PLCB1: variants seen among roughly 807,000 people sequenced by gnomAD.
The protein encoded by PLCB1 is phospholipase C beta 1.
In PLCB1, 46 loss-of-function variants were observed where a neutral mutation model predicts 161.8. That is an observed-to-expected ratio of 0.28 (90% CI 0.22 to 0.36). The LOEUF is 0.36. PLCB1 is among the 10% of genes least tolerant of loss of function. The pLI, the probability that PLCB1 is intolerant of heterozygous loss-of-function variation, is 1.00. For missense variants in PLCB1, 1,016 were observed against 1,472.5 expected (o/e 0.69, Z 5.07); for synonymous variants, 517 against 503.7 (o/e 1.03, Z -0.35).
At chr20:8,143,986 A>G (rs975363669) in intron 1 of PLCB1, among the ~76,000 whole-genome samples, 1 of 152,190 alleles carries the variant, frequency 6.6e-6, no homozygotes, top group African/African-American at 2.4e-5. Context: ...AAAGCCTCCC[A>G]GTAGTGACAA....
At chr20:8,355,569 C>G (rs532141880) in intron 2 of PLCB1, among the ~76,000 whole-genome samples, 2 of 152,292 alleles carry the variant, frequency 1.3e-5, no homozygotes, top group Admixed American at 6.5e-5. Context: ...TCCTTAAATG[C>G]AAGCAAAGGG....
At chr20:8,785,736 A>G (rs969875099) in intron 27 of PLCB1, among the ~76,000 whole-genome samples, 7 of 152,150 alleles carry the variant, frequency 4.6e-5, no homozygotes, top group Non-Finnish European at 1.0e-4. Flanking sequence ...TGAGTTCTCC[A>G]GCTTAGTCTC....
chr20:8,408,611 T>A (rs1365734995), intron 3 of PLCB1, among the ~76,000 whole-genome samples: 2 of 152,146 alleles, frequency 1.3e-5, no homozygotes, highest in Non-Finnish European at 2.9e-5. Flanking sequence ...TACTGTAAAT[T>A]TGTAGATAGC....
chr20:8,427,518 A>T (rs1979838171), intron 3 of PLCB1, among the ~76,000 whole-genome samples: 1 of 152,194 alleles, frequency 6.6e-6, no homozygotes, highest in Admixed American at 6.5e-5. Context: ...CTGTTGTAAG[A>T]CCAACAGGTT....
At chr20:8,621,740 C>T (rs1988190811) in intron 3 of PLCB1, among the ~76,000 whole-genome samples, 1 of 152,270 alleles carries the variant, frequency 6.6e-6, no homozygotes, top group Non-Finnish European at 1.5e-5. Flanking sequence ...CTTTGTAACA[C>T]GGTGTGATAT....
chr20:8,497,518 G>A (rs899028432), intron 3 of PLCB1, among the ~76,000 whole-genome samples: 5 of 152,206 alleles, frequency 3.3e-5, no homozygotes, highest in African/African-American at 1.2e-4. Context: ...CTAAAAACCA[G>A]ACAAATATTT....
At chr20:8,202,515 A>T (rs1313632832) in intron 2 of PLCB1, among the ~76,000 whole-genome samples, 2 of 152,244 alleles carry the variant, frequency 1.3e-5, no homozygotes, top group African/African-American at 4.8e-5. Flanking sequence ...TTCTACAGTG[A>T]TATCTATCTT....
chr20:8,608,223 G>T (rs1987811974), intron 3 of PLCB1, among the ~76,000 whole-genome samples: 1 of 152,138 alleles, frequency 6.6e-6, no homozygotes, highest in Non-Finnish European at 1.5e-5. Flanking sequence ...AATAGCCAGA[G>T]AGAGCACAAA....
intron 2 of PLCB1, among the ~76,000 whole-genome samples, chr20:8,266,159 C>A (rs1468695132): frequency 6.6e-6 from 1 of 152,168 alleles, no homozygotes; most frequent in African/African-American, 2.4e-5. Context: ...CAAGCCATCC[C>A]AGAACTTCAG....
At chr20:8,787,367 C>T (rs775653393) in intron 27 of PLCB1, among the ~76,000 whole-genome samples, 1 of 152,154 alleles carries the variant, frequency 6.6e-6, no homozygotes, top group Non-Finnish European at 1.5e-5. Context: ...GCAGTTTTTC[C>T]GGGGACTCCC....
chr20:8,286,101 G>A (rs1983107882), intron 2 of PLCB1, among the ~76,000 whole-genome samples: 2 of 152,222 alleles, frequency 1.3e-5, no homozygotes, highest in South Asian at 4.1e-4. Context: ...AAGGCAGGCA[G>A]ATCACCTGAG....
At chr20:8,357,416 G>C (rs141801649) in intron 2 of PLCB1, among the ~76,000 whole-genome samples, 1 of 152,268 alleles carries the variant, frequency 6.6e-6, no homozygotes. Flanking sequence ...TAATATTCAA[G>C]CAACTAAAGA....
intron 2 of PLCB1, among the ~76,000 whole-genome samples, chr20:8,266,988 G>T (rs769121781): frequency 1.1e-4 from 17 of 148,762 alleles, no homozygotes; most frequent in Non-Finnish European, 2.2e-4. Context: ...AATGAGCCTA[G>T]ATCGTGCCAT....
chr20:8,312,835 T>C (rs951374083), intron 2 of PLCB1, among the ~76,000 whole-genome samples: 1 of 148,714 alleles, frequency 6.7e-6, no homozygotes, highest in Non-Finnish European at 1.5e-5. Context: ...CTTTTCTCTA[T>C]AGAAAAAAAA....
chr20:8,553,684 C>A (rs1663743485), intron 3 of PLCB1, among the ~76,000 whole-genome samples: 1 of 151,946 alleles, frequency 6.6e-6, no homozygotes, highest in Non-Finnish European at 1.5e-5. Context: ...TACAGAAAAA[C>A]ATTATCATTA....
chr20:8,393,338 C>A (rs1987665830), intron 3 of PLCB1, among the ~76,000 whole-genome samples: 1 of 152,056 alleles, frequency 6.6e-6, no homozygotes, highest in South Asian at 2.1e-4. Context: ...CCAAAACTCA[C>A]TGTTTCTCCA....
intron 2 of PLCB1, among the ~76,000 whole-genome samples, chr20:8,348,078 T>C (rs113545503): frequency 6.6e-6 from 1 of 152,162 alleles, no homozygotes; most frequent in African/African-American, 2.4e-5. Context: ...TGGGGAAAGA[T>C]ATGGTTGTGA....
intron 23 of PLCB1, among the ~76,000 whole-genome samples, chr20:8,756,684 T>A (rs1981752121): frequency 6.6e-6 from 1 of 152,112 alleles, no homozygotes; most frequent in Non-Finnish European, 1.5e-5. Context: ...CATCCTCCAT[T>A]GCTATAATAG....
chr20:8,878,793 CTTTTA>C (rs929977634), intron 31 of PLCB1, among the ~76,000 whole-genome samples: 37 of 149,288 alleles, frequency 2.5e-4, no homozygotes, highest in African/African-American at 7.2e-4. Context: ...AAAATTTCAA[CTTTTA>C]TTTTAGATTC....
Sources: gnomAD v4.1 joint callset for allele counts (sites outside exome capture counted in the v4.1 genomes callset) on GRCh38, gnomAD v4.1.1 for gene constraint, MANE v1.5 for transcripts, NCBI Gene and HGNC (gene_info 2026-07-23, HGNC 2026-07-21) for gene names.